Variants in PARD3 observed in about 807,000 individuals in gnomAD.
PARD3 encodes par-3 family cell polarity regulator.
In PARD3, 75 loss-of-function variants were observed where a neutral mutation model predicts 155.4. The ratio of observed to expected loss-of-function variants is 0.48; its 90% CI spans 0.40 to 0.58. The LOEUF is 0.58. PARD3 is among the 20% of genes least tolerant of loss of function. The pLI is 0.00. For missense variants in PARD3, 1,642 were observed against 1,721.7 expected (o/e 0.95, Z 0.82); for synonymous variants, 576 against 610.5 (o/e 0.94, Z 0.83).
intron 2 of PARD3, among the ~76,000 whole-genome samples, chr10:34,665,157 A>G (rs1214684033): frequency 2.0e-5 from 3 of 152,208 alleles, no homozygotes; most frequent in Non-Finnish European, 4.4e-5. Context: ...TTAATAATTA[A>G]GATTTCCAGA....
chr10:34,264,742 C>A (rs2133827971), intron 22 of PARD3, among the ~76,000 whole-genome samples: 1 of 122,210 alleles, frequency 8.2e-6, no homozygotes, highest in South Asian at 2.7e-4. Context: ...CAGAAAAAAA[C>A]TGGGATTTTT....
intron 2 of PARD3, among the ~76,000 whole-genome samples, chr10:34,655,100 TTATC>T (rs2093129329): frequency 6.6e-6 from 1 of 151,416 alleles, no homozygotes; most frequent in Non-Finnish European, 1.5e-5. Context: ...GCTACTCCCT[TTATC>T]TAGTATCAAG....
At chr10:34,523,873 A>C (rs2082306642) in intron 2 of PARD3, among the ~76,000 whole-genome samples, 1 of 152,214 alleles carries the variant, frequency 6.6e-6, no homozygotes, top group Non-Finnish European at 1.5e-5. Context: ...ATAGTTTATA[A>C]ATTATAGATT....
At chr10:34,630,486 T>C in intron 2 of PARD3, among the ~76,000 whole-genome samples, 1 of 151,228 alleles carries the variant, frequency 6.6e-6, no homozygotes, top group Non-Finnish European at 1.5e-5. Context: ...TCTTCCTCTA[T>C]TACACAGGCT....
intron 22 of PARD3, among the ~76,000 whole-genome samples, chr10:34,150,347 A>G (rs1305262757): frequency 6.6e-6 from 1 of 152,234 alleles, no homozygotes; most frequent in East Asian, 1.9e-4. Context: ...TCATCGACAT[A>G]TACACAAGTG....
At chr10:34,258,509 T>C (rs1954777452) in intron 22 of PARD3, among the ~76,000 whole-genome samples, 1 of 152,122 alleles carries the variant, frequency 6.6e-6, no homozygotes, top group Non-Finnish European at 1.5e-5. Flanking sequence ...GAATGATGAA[T>C]TCTGTTTTAG....
At chr10:34,313,871 TC>T (rs1330005529) in intron 20 of PARD3, among the ~76,000 whole-genome samples, 3 of 152,216 alleles carry the variant, frequency 2.0e-5, no homozygotes, top group Middle Eastern at 3.4e-3. Context: ...GAGAACAAGC[TC>T]ATGTGCTGCT....
chr10:34,449,919 T>C (rs1042821743), intron 5 of PARD3, among the ~76,000 whole-genome samples: 1 of 152,174 alleles, frequency 6.6e-6, no homozygotes, highest in African/African-American at 2.4e-5. Context: ...TCTCATACAG[T>C]GAAGTTAGGT....
chr10:34,698,634 T>C (rs1425013418), intron 1 of PARD3, among the ~76,000 whole-genome samples: 1 of 152,132 alleles, frequency 6.6e-6, no homozygotes, highest in Non-Finnish European at 1.5e-5. Flanking sequence ...CTCCAACTCC[T>C]GGGCTCAAGC....
At chr10:34,136,227 T>C (rs1160805639) in intron 22 of PARD3, among the ~76,000 whole-genome samples, 2 of 152,206 alleles carry the variant, frequency 1.3e-5, no homozygotes, top group African/African-American at 2.4e-5. Flanking sequence ...AACCAGGCAC[T>C]GTCCAGATAG....
At chr10:34,606,543 A>T (rs1474775418) in intron 2 of PARD3, among the ~76,000 whole-genome samples, 1 of 150,408 alleles carries the variant, frequency 6.6e-6, no homozygotes, top group Non-Finnish European at 1.5e-5. Context: ...GCTCATGCTT[A>T]TAATTCCAGC....
intron 5 of PARD3, among the ~76,000 whole-genome samples, chr10:34,430,833 A>G (rs766290970): frequency 5.0e-4 from 76 of 152,226 alleles, no homozygotes; most frequent in Non-Finnish European, 8.2e-4. Context: ...TGCCTCAGAA[A>G]GTCAAATCTA....
At chr10:34,771,364 C>A (rs1249329548) in intron 1 of PARD3, among the ~76,000 whole-genome samples, 2 of 152,102 alleles carry the variant, frequency 1.3e-5, no homozygotes. Flanking sequence ...ACTATGCCCC[C>A]CACACAGGAT....
intron 1 of PARD3, among the ~76,000 whole-genome samples, chr10:34,796,279 T>C (rs1009014121): frequency 6.6e-6 from 1 of 152,168 alleles, no homozygotes; most frequent in Non-Finnish European, 1.5e-5. Context: ...GGCCAGGTCA[T>C]CATCTGCCAG....
rs756703614 is a variant in PARD3, at chr10:34,360,142, G to T, written c.1825C>A (p.Arg609=). The change falls in exon 13 of 25, where the codon CGG becomes AGG. Residue 609 remains arginine, a synonymous_variant. Coordinates refer to ENST00000374788, the MANE Select transcript of PARD3 (RefSeq NM_001184785.2). ...AGLGVSVKGN[R]SKENHADLGI... is the part of the protein sequence containing the mutation. ...AAATCTGCGTGGTTCTCTTTTGACC[G>T]GTTACCTTTGACACTGACACCAAGG... The T allele has an allele frequency of 6.3e-5, 101 of 1,613,880 alleles. No individual in the cohort carries two copies. The highest frequency in any genetic ancestry group is 8.1e-5 in the Non-Finnish European group (96 of 1,179,916).
At chr10:34,443,855 G>C (rs972266431) in intron 5 of PARD3, among the ~76,000 whole-genome samples, 2 of 152,042 alleles carry the variant, frequency 1.3e-5, no homozygotes, top group African/African-American at 4.8e-5. Context: ...AAATAAAAAG[G>C]AAAAAAGGTA....
intron 5 of PARD3, among the ~76,000 whole-genome samples, chr10:34,431,684 G>C (rs952623994): frequency 1.4e-5 from 2 of 139,570 alleles, no homozygotes; most frequent in African/African-American, 5.3e-5. Context: ...AAGTTGCAGT[G>C]AGCCAAGATC....
chr10:34,632,972 A>C (rs2092331430), intron 2 of PARD3, among the ~76,000 whole-genome samples: 1 of 152,258 alleles, frequency 6.6e-6, no homozygotes. Context: ...CCTGCAGGCC[A>C]AACAACAGAG....
At chr10:34,389,601 A>G (rs897672299) in intron 7 of PARD3, among the ~76,000 whole-genome samples, 1 of 152,202 alleles carries the variant, frequency 6.6e-6, no homozygotes, top group African/African-American at 2.4e-5. Flanking sequence ...GGAAATGATT[A>G]TAATTCATCT....
Sources: allele counts gnomAD v4.1 joint callset (sites outside exome capture counted in the v4.1 genomes callset), GRCh38; gene constraint gnomAD v4.1.1; transcripts MANE v1.5; gene names NCBI Gene and HGNC (gene_info 2026-07-23, HGNC 2026-07-21).